Variants in ASRGL1 observed in about 807,000 individuals in gnomAD.
The protein encoded by ASRGL1 is asparaginase and isoaspartyl peptidase 1.
Under a neutral mutation model 22.4 loss-of-function variants are expected in ASRGL1, and 16 were observed. That is an observed-to-expected ratio of 0.71 (90% CI 0.48 to 1.08). ASRGL1 has a LOEUF of 1.08. Ranked by LOEUF, ASRGL1 falls within the 50% of genes least tolerant of loss-of-function variation. The probability of loss-of-function intolerance (pLI) is 0.00; values close to 1 mark genes in which losing one functional copy is unlikely to be tolerated. For synonymous variants in ASRGL1, 165 were observed against 159.3 expected, an observed-to-expected ratio of 1.04 and a Z score of -0.27; for missense variants, 412 against 410.1, an observed-to-expected ratio of 1.00 and a Z score of -0.04.
At chr11:62,379,607 C>T (rs1947014410) in intron 4 of ASRGL1, among the ~76,000 whole-genome samples, 1 of 152,210 alleles carries the variant, frequency 6.6e-6, no homozygotes, top group Non-Finnish European at 1.5e-5. Flanking sequence ...ATTAGTCCTA[C>T]AGTCCCCTCA....
intron 2 of ASRGL1, 77 bp from the exon 3 acceptor site, chr11:62,356,248 G>A: frequency 6.4e-7 from 1 of 1,553,144 alleles, no homozygotes; most frequent in Non-Finnish European, 8.8e-7. Flanking sequence ...GCCGGGCGGG[G>A]GGCTGACCCC....
intron 4 of ASRGL1, chr11:62,382,538 G>C (rs1336384567): frequency 3.3e-5 from 5 of 151,840 alleles, no homozygotes; most frequent in African/African-American, 1.2e-4. Flanking sequence ...CATACAATCG[G>C]GTTTTAAACC....
chr11:62,381,171 T>G (rs1947057755), intron 4 of ASRGL1, among the ~76,000 whole-genome samples: 2 of 152,308 alleles, frequency 1.3e-5, no homozygotes, highest in Admixed American at 6.5e-5. Context: ...TGATATTCTC[T>G]TGGGGTTTGT....
intron 2 of ASRGL1, among the ~76,000 whole-genome samples, chr11:62,351,589 G>T (rs2134593148): frequency 6.6e-6 from 1 of 151,772 alleles, no homozygotes; most frequent in Non-Finnish European, 1.5e-5. Flanking sequence ...GGCGGAGGTT[G>T]CAGTGAGTAG....
At chr11:62,397,956 T>C (rs556323310), downstream of ASRGL1, among the ~76,000 whole-genome samples, 9 of 152,166 alleles carry the variant, frequency 5.9e-5, no homozygotes, top group East Asian at 1.8e-3. Flanking sequence ...CTGGCACTGC[T>C]TGCTGGGTAG....
chr11:62,391,723 C>A, intron 6 of ASRGL1, 91 bp downstream of exon 6: 1 of 1,435,888 alleles, frequency 7.0e-7, no homozygotes. Flanking sequence ...GTGTAGGAAA[C>A]CCTTTCCTGT....
chr11:62,361,481 A>ATTTTTTT (rs35345092), intron 4 of ASRGL1, among the ~76,000 whole-genome samples: 6 of 101,918 alleles, frequency 5.9e-5, no homozygotes, highest in African/African-American at 2.6e-4. Context: ...AACCTGGCCA[A>ATTTTTTT]TTTTTTTTTT....
chr11:62,371,707 CTT>C, intron 4 of ASRGL1: 1 of 588,270 alleles, frequency 1.7e-6, no homozygotes, highest in South Asian at 1.4e-5. Flanking sequence ...AATCCCAGCA[CTT>C]TGGGAGGCCG....
At chr11:62,373,565 C>T (rs563549941) in intron 4 of ASRGL1, among the ~76,000 whole-genome samples, 3 of 152,292 alleles carry the variant, frequency 2.0e-5, no homozygotes, top group South Asian at 2.1e-4. Context: ...GAAGAGGAAT[C>T]GCCATTTACT....
intron 2 of ASRGL1, 76 bp from the exon 3 acceptor site, chr11:62,356,249 G>C: frequency 1.9e-6 from 3 of 1,555,426 alleles, no homozygotes; most frequent in South Asian, 1.2e-5. Context: ...CCGGGCGGGG[G>C]GCTGACCCCC....
intron 4 of ASRGL1, among the ~76,000 whole-genome samples, chr11:62,374,027 T>G (rs1946848651): frequency 6.6e-6 from 1 of 152,132 alleles, no homozygotes; most frequent in Non-Finnish European, 1.5e-5. Flanking sequence ...AAATGCATTC[T>G]CCAGTCCTTG....
In ASRGL1 at chr11:62,392,518, A is replaced by G; in HGVS notation, c.*234A>G. On this transcript the variant is annotated 3_prime_UTR_variant, in exon 7 of 7. Coordinates refer to ENST00000415229, the MANE Select transcript of ASRGL1 (RefSeq NM_001083926.2). ...CAGGAGGTCAAAGCTGAGGTGAGCCATGATTACTCCACTGCACTCCAGCCT... is the reference window on the plus strand; with the variant it reads ...CAGGAGGTCAAAGCTGAGGTGAGCCGTGATTACTCCACTGCACTCCAGCCT... The G allele has an allele frequency of 1.8e-6, 1 of 564,070 alleles. No homozygotes were observed. The highest frequency in any genetic ancestry group is 3.2e-6 in the Non-Finnish European group (1 of 315,774). 34.9% of individuals were successfully genotyped at this position (564,070 alleles called of 1,614,324 possible). A position where few individuals can be genotyped will look rare whatever the true frequency, so the allele number is the denominator to read the frequency against.
intron 4 of ASRGL1, chr11:62,371,159 C>T (rs530429122): frequency 2.6e-6 from 3 of 1,161,744 alleles, no homozygotes; most frequent in East Asian, 3.2e-5. Flanking sequence ...GCGGCGGTGG[C>T]GGCCTGGGAG....
At chr11:62,389,584 A>T in intron 5 of ASRGL1, 2 of 385,950 alleles carry the variant, frequency 5.2e-6, no homozygotes, top group East Asian at 1.3e-4. Flanking sequence ...CAGGATCTGC[A>T]GACTTACTTG....
At chr11:62,372,782 T>C (rs1946808186) in intron 4 of ASRGL1, 2 of 1,571,652 alleles carry the variant, frequency 1.3e-6, no homozygotes, top group Non-Finnish European at 1.8e-6. Flanking sequence ...TCTATGCTGG[T>C]TACACCTGCT....
intron 2 of ASRGL1, among the ~76,000 whole-genome samples, chr11:62,338,850 C>G (rs1945793795): frequency 7.4e-6 from 1 of 134,780 alleles, no homozygotes; most frequent in Non-Finnish European, 1.5e-5. Flanking sequence ...GAGGCCGAGG[C>G]AGGAGAATAG....
intron 4 of ASRGL1, among the ~76,000 whole-genome samples, chr11:62,377,429 C>T (rs770658212): frequency 4.6e-5 from 7 of 152,158 alleles, no homozygotes; most frequent in Non-Finnish European, 8.8e-5. Context: ...TCTTGTAACA[C>T]TGTAAAGACT....
intron 4 of ASRGL1, among the ~76,000 whole-genome samples, chr11:62,365,406 T>A (rs1442878331): frequency 6.6e-6 from 1 of 151,172 alleles, no homozygotes; most frequent in Non-Finnish European, 1.5e-5. Flanking sequence ...ATACAAAAAT[T>A]AGCTGGGCAT....
intron 4 of ASRGL1, among the ~76,000 whole-genome samples, chr11:62,384,204 G>C (rs1422114126): frequency 6.6e-6 from 1 of 151,708 alleles, no homozygotes; most frequent in African/African-American, 2.4e-5. Context: ...GCAAGACTCC[G>C]TCTCAAAAAC....
Sources: gnomAD v4.1 joint callset for allele counts (sites outside exome capture counted in the v4.1 genomes callset) on GRCh38, gnomAD v4.1.1 for gene constraint, MANE v1.5 for transcripts, NCBI Gene and HGNC (gene_info 2026-07-23, HGNC 2026-07-21) for gene names.